The following ASTN2 variants were observed in gnomAD, a reference collection of about 807,000 sequenced individuals.
The protein encoded by ASTN2 is astrotactin 2, also known as astrotactin-2.
ASTN2 carries 54 observed loss-of-function variants against 139.8 expected under a neutral mutation model. The ratio of observed to expected loss-of-function variants is 0.39; its 90% CI spans 0.31 to 0.48. The LOEUF (loss-of-function observed/expected upper bound fraction) is 0.48. ASTN2 is among the 20% of genes least tolerant of loss of function. The pLI, the probability that ASTN2 is intolerant of heterozygous loss-of-function variation, is 0.95. For synonymous variants in ASTN2, 756 were observed against 719.5 expected (o/e 1.05, Z -0.81); for missense variants, 1,565 against 1,725.1 (o/e 0.91, Z 1.64).
chr9:117,042,189 G>A (rs1176209045), intron 5 of ASTN2, among the ~76,000 whole-genome samples: 3 of 152,014 alleles, frequency 2.0e-5, no homozygotes, highest in South Asian at 2.1e-4. Context: ...ACAGAACATC[G>A]GCTATTATTC....
At chr9:116,620,668 C>T (rs570984333) in intron 17 of ASTN2, among the ~76,000 whole-genome samples, 1 of 152,306 alleles carries the variant, frequency 6.6e-6, no homozygotes, top group Admixed American at 6.5e-5. Context: ...ACAATAGTAA[C>T]TATATCCATT....
chr9:116,677,793 G>A (rs747613863), intron 16 of ASTN2, among the ~76,000 whole-genome samples: 18 of 152,178 alleles, frequency 1.2e-4, no homozygotes, highest in Non-Finnish European at 1.8e-4. Context: ...CTGTCTTTGC[G>A]TTCAGCTGCT....
intron 2 of ASTN2, among the ~76,000 whole-genome samples, chr9:117,236,716 C>A (rs80303779): frequency 0.052 from 7,865 of 152,162 alleles, 707 homozygotes; most frequent in African/African-American, 0.18. Context: ...AAATCTGACT[C>A]CCAGCTCTAC....
chr9:116,801,312 G>A (rs923464883), intron 13 of ASTN2, among the ~76,000 whole-genome samples: 1 of 152,084 alleles, frequency 6.6e-6, no homozygotes, highest in African/African-American at 2.4e-5. Context: ...GCTGGGCGGG[G>A]TGGCTCACGC....
chr9:116,980,049 C>T (rs1836464224), intron 7 of ASTN2, among the ~76,000 whole-genome samples: 1 of 152,112 alleles, frequency 6.6e-6, no homozygotes, highest in African/African-American at 2.4e-5. Context: ...CTGGAGACCC[C>T]CATGAGGCTT....
intron 1 of ASTN2, among the ~76,000 whole-genome samples, chr9:117,340,668 G>A (rs554386401): frequency 6.6e-6 from 1 of 152,262 alleles, no homozygotes; most frequent in Admixed American, 6.5e-5. Flanking sequence ...GAGCTCCAGT[G>A]AGGTCACAGG....
chr9:116,713,618 G>A (rs1177856303), intron 16 of ASTN2, among the ~76,000 whole-genome samples: 1 of 152,136 alleles, frequency 6.6e-6, no homozygotes, highest in Non-Finnish European at 1.5e-5. Context: ...GAGAACTTTG[G>A]GAGTGCCCAC....
At chr9:116,628,626 ACT>A (rs1368138922) in intron 17 of ASTN2, among the ~76,000 whole-genome samples, 2 of 152,174 alleles carry the variant, frequency 1.3e-5, no homozygotes, top group Admixed American at 6.5e-5. Flanking sequence ...CAGTGAAAAT[ACT>A]CTGTGTGATA....
At chr9:116,459,887 A>G (rs115746096) in intron 20 of ASTN2, among the ~76,000 whole-genome samples, 2,878 of 152,210 alleles carry the variant, frequency 0.019, 94 homozygotes, top group African/African-American at 0.066. Context: ...ATGACCCAGC[A>G]ATTCCATTCC....
intron 2 of ASTN2, among the ~76,000 whole-genome samples, chr9:117,253,104 G>C (rs2133094263): frequency 6.6e-6 from 1 of 152,286 alleles, no homozygotes. Context: ...ATATTGGGCA[G>C]TCATTGGTGG....
In ASTN2 at chr9:116,733,497, G is replaced by T; in HGVS notation, c.2423C>A (p.Pro808His). The T allele has an allele frequency of 1.2e-6, 2 of 1,614,188 alleles. No homozygotes were observed. Among genetic ancestry groups the T allele is most frequent in the Non-Finnish European group, 1.7e-6 (2 of 1,180,030 alleles). Residue 808 changes from proline to histidine, a missense_variant, in exon 14 of 23, where the codon CCC becomes CAC. This residue lies in a region of ASTN2 where 503 missense variants were observed against 591.7 expected (regional missense o/e 0.85). Coordinates refer to ENST00000313400, the MANE Select transcript of ASTN2 (RefSeq NM_001365068.1). ...FRENNFIKDF[P>H]QLADGLLVIP... ...CACCAACAGCCCATCGGCCAGCTGG[G>T]GAAAGTCCTTGATGAAGTTGTTCTC...
chr9:116,532,926 C>T (rs1440313635), intron 19 of ASTN2, among the ~76,000 whole-genome samples: 1 of 152,174 alleles, frequency 6.6e-6, no homozygotes, highest in Non-Finnish European at 1.5e-5. Flanking sequence ...CTGGGGATGG[C>T]ACTGAATCTA....
chr9:117,346,346 G>A (rs1345993229), intron 1 of ASTN2, among the ~76,000 whole-genome samples: 1 of 152,084 alleles, frequency 6.6e-6, no homozygotes, highest in Non-Finnish European at 1.5e-5. Flanking sequence ...GCTTGGTCAG[G>A]TTCAGGATCC....
intron 4 of ASTN2, among the ~76,000 whole-genome samples, chr9:117,109,005 C>A (rs762283353): frequency 2.6e-5 from 4 of 152,088 alleles, no homozygotes; most frequent in Non-Finnish European, 5.9e-5. Context: ...GTCCTTCCGG[C>A]TGGGCATGGT....
chr9:117,054,431 C>G (rs772851216), intron 5 of ASTN2, among the ~76,000 whole-genome samples: 1 of 152,170 alleles, frequency 6.6e-6, no homozygotes, highest in Non-Finnish European at 1.5e-5. Flanking sequence ...AGGACCCACT[C>G]TGCTGTGAGC....
At chr9:117,058,285 TAA>T (rs576790356) in intron 5 of ASTN2, among the ~76,000 whole-genome samples, 129 of 152,258 alleles carry the variant, frequency 8.5e-4, no homozygotes, top group African/African-American at 2.7e-3. Flanking sequence ...GGCAGGAAAA[TAA>T]AATCCAGTCA....
chr9:117,054,408 C>T (rs1178770751), intron 5 of ASTN2, among the ~76,000 whole-genome samples: 1 of 152,134 alleles, frequency 6.6e-6, no homozygotes, highest in Non-Finnish European at 1.5e-5. Flanking sequence ...ATTCATTCAA[C>T]AAATATATAT....
intron 2 of ASTN2, among the ~76,000 whole-genome samples, chr9:117,236,230 A>G (rs945728724): frequency 2.6e-5 from 4 of 152,198 alleles, no homozygotes; most frequent in Admixed American, 2.6e-4. Flanking sequence ...CATTACCAAA[A>G]CACGAGGACT....
chr9:117,257,737 C>G (rs1331736875), intron 2 of ASTN2, among the ~76,000 whole-genome samples: 3 of 152,186 alleles, frequency 2.0e-5, no homozygotes, highest in African/African-American at 7.2e-5. Flanking sequence ...ATACCTCTCT[C>G]CATTCCCACA....
Sources: allele counts gnomAD v4.1 joint callset (sites outside exome capture counted in the v4.1 genomes callset), GRCh38; gene constraint gnomAD v4.1.1; regional missense constraint gnomAD v4.1.1; transcripts MANE v1.5; gene names NCBI Gene and HGNC (gene_info 2026-07-23, HGNC 2026-07-21).